Variants in WASF2 observed in about 807,000 individuals in gnomAD.
WASF2 encodes the protein WASP family member 2.
Under a neutral mutation model 45.0 loss-of-function variants are expected in WASF2, and 14 were observed. The observed-to-expected ratio is 0.31, with a 90% CI of 0.21 to 0.49. The LOEUF is 0.49. Ranked by LOEUF, WASF2 falls within the 20% of genes least tolerant of loss-of-function variation. The pLI is 0.99. For synonymous variants in WASF2, 200 were observed against 236.3 expected, an observed-to-expected ratio of 0.85 and a Z score of 1.41; for missense variants, 439 against 636.1, an observed-to-expected ratio of 0.69 and a Z score of 3.33.
chr1:27,443,205 A>G (rs1020081148), intron 1 of WASF2, among the ~76,000 whole-genome samples: 4 of 149,792 alleles, frequency 2.7e-5, no homozygotes, highest in Admixed American at 1.3e-4. Flanking sequence ...GTGTGGTAGC[A>G]TGTACCTGTG....
Position 27,412,576 on chromosome 1 carries a change from A to C in WASF2, c.820T>G (p.Phe274Val), listed in dbSNP as rs1160576600. The change falls in exon 7 of 9, where the codon TTC becomes GTC. Residue 274 changes from phenylalanine to valine, a missense_variant. Physicochemically the swap from Phe to Val is conservative, Grantham distance 50. Transcript: ENST00000618852. Reference sequence around the variant, plus strand: ...GGAGTAGGTACCACCATTTACCTGAATTCTGCTGGTGGAGGAGGCAAGTTG... The same window carrying C: ...GGAGTAGGTACCACCATTTACCTGACTTCTGCTGGTGGAGGAGGCAAGTTG... ...EDNLPPPPAEFSYPVDNQRGS... is the reference protein window; with the variant it reads ...EDNLPPPPAEVSYPVDNQRGS... 6.2e-7 allele frequency: 1 copy of C among 1,614,170 alleles called. No individual in the cohort carries two copies. The highest frequency in any genetic ancestry group is 1.7e-5 in the Admixed American group (1 of 60,012).
chr1:27,429,000 T>TA (rs2017025216), intron 1 of WASF2, 67 bp from the exon 2 acceptor site: 601 of 926,336 alleles, frequency 6.5e-4, no homozygotes, highest in Middle Eastern at 1.5e-3. Flanking sequence ...GCTGTGTGAA[T>TA]CTTTTTTTTT....
At chr1:27,484,409 T>C (rs2017895362) in intron 1 of WASF2, among the ~76,000 whole-genome samples, 1 of 152,192 alleles carries the variant, frequency 6.6e-6, no homozygotes, top group Admixed American at 6.5e-5. Context: ...TAAATGTATT[T>C]TAGTAAACTC....
intron 1 of WASF2, among the ~76,000 whole-genome samples, chr1:27,465,252 A>AAT (rs1304604727): frequency 6.6e-6 from 1 of 152,240 alleles, no homozygotes; most frequent in African/African-American, 2.4e-5. Context: ...CTGCACTCTA[A>AAT]TAAAGACTAA....
chr1:27,412,754 T>C (rs1222280551), intron 6 of WASF2, 27 bp from the exon 7 acceptor site: 4 of 1,613,360 alleles, frequency 2.5e-6, no homozygotes, highest in East Asian at 2.2e-5. Context: ...TGCCAAAAAC[T>C]GTCATTTAAA....
In WASF2 at chr1:27,468,489, A is replaced by G. The variant is rs139435781; in HGVS notation, c.-44+21497T>C. Among the ~76,000 whole-genome samples, 855 of 151,402 alleles carry G rather than the reference A, an allele frequency of 5.6e-3. 15 individuals carry two copies. The highest frequency in any genetic ancestry group is 0.016 in the East Asian group (81 of 5,148). On this transcript the variant is annotated intron_variant, in intron 1 of 8. Transcript: ENST00000618852. Reference sequence around the variant, plus strand: ...AATCCCGTCTCTACTAAAAATACAAAAATTAGCTGGTCGTGGTGGCTAATG... The same window carrying G: ...AATCCCGTCTCTACTAAAAATACAAGAATTAGCTGGTCGTGGTGGCTAATG...
At chr1:27,477,893 C>T (rs1366945219) in intron 1 of WASF2, among the ~76,000 whole-genome samples, 4 of 89,198 alleles carry the variant, frequency 4.5e-5, no homozygotes, top group African/African-American at 1.4e-4. Flanking sequence ...AGCGAGACTC[C>T]GTCTCAAAAA....
intron 1 of WASF2, among the ~76,000 whole-genome samples, chr1:27,475,028 A>C (rs1391361824): frequency 1.3e-5 from 2 of 151,358 alleles, no homozygotes; most frequent in Non-Finnish European, 3.0e-5. Context: ...AAAGCCCACC[A>C]CTTTGGGAGG....
intron 1 of WASF2, among the ~76,000 whole-genome samples, chr1:27,465,352 T>C (rs914299303): frequency 1.3e-5 from 2 of 152,198 alleles, no homozygotes; most frequent in African/African-American, 4.8e-5. Context: ...TTAAAGTTAA[T>C]TTGCACACCA....
intron 2 of WASF2, among the ~76,000 whole-genome samples, chr1:27,425,700 A>G (rs1056179858): frequency 6.6e-6 from 1 of 151,826 alleles, no homozygotes; most frequent in South Asian, 2.1e-4. Flanking sequence ...TTAGCCAGGC[A>G]TGGTGGCGGG....
chr1:27,479,029 G>A (rs1251105402), intron 1 of WASF2, among the ~76,000 whole-genome samples: 1 of 152,070 alleles, frequency 6.6e-6, no homozygotes, highest in African/African-American at 2.4e-5. Flanking sequence ...GCTCACGCCT[G>A]TAATCCCAGA....
chr1:27,471,682 G>A (rs2017691145), intron 1 of WASF2, among the ~76,000 whole-genome samples: 1 of 152,102 alleles, frequency 6.6e-6, no homozygotes, highest in African/African-American at 2.4e-5. Context: ...GCAAAAAAAA[G>A]AGAAGCAAGG....
chr1:27,436,398 G>A (rs761893427), intron 1 of WASF2, among the ~76,000 whole-genome samples: 1 of 152,054 alleles, frequency 6.6e-6, no homozygotes. Context: ...AGAGAGCTAC[G>A]ATCACACCAG....
intron 1 of WASF2, among the ~76,000 whole-genome samples, chr1:27,464,733 T>G (rs1253409128): frequency 6.6e-6 from 1 of 152,218 alleles, no homozygotes; most frequent in Non-Finnish European, 1.5e-5. Context: ...TTTATTTATT[T>G]GTTTATTCAT....
At position 27,418,251 on chromosome 1, in the gene WASF2, G is replaced by C; in HGVS notation, c.419+18C>G. 1.2e-6 allele frequency: 2 copies of C among 1,607,048 alleles called. No homozygotes were observed. Among genetic ancestry groups the C allele is most frequent in the Non-Finnish European group, 1.7e-6 (2 of 1,177,166 alleles). ...TTAAACCATAGGTTGAAAAAGGGAGGAACTAGCCAGCCATTACCTGTAAGG... is the reference window on the plus strand; with the variant it reads ...TTAAACCATAGGTTGAAAAAGGGAGCAACTAGCCAGCCATTACCTGTAAGG... On this transcript the variant is annotated intron_variant, in intron 4 of 8. Coordinates refer to ENST00000618852, the MANE Select transcript of WASF2 (RefSeq NM_006990.5).
chr1:27,473,102 T>A (rs1027321458), intron 1 of WASF2, among the ~76,000 whole-genome samples: 2 of 151,464 alleles, frequency 1.3e-5, no homozygotes, highest in Admixed American at 1.3e-4. Flanking sequence ...ATAACCTGTA[T>A]CCGGAATAAA....
intron 1 of WASF2, among the ~76,000 whole-genome samples, chr1:27,460,003 A>T (rs185087027): frequency 2.6e-5 from 4 of 152,344 alleles, no homozygotes; most frequent in Admixed American, 2.6e-4. Context: ...GATCAATGAG[A>T]TAACACATAT....
intron 4 of WASF2, 141 bp downstream of exon 4, chr1:27,418,128 G>A (rs2016850458): frequency 2.0e-6 from 2 of 988,498 alleles, no homozygotes; most frequent in African/African-American, 1.7e-5. Context: ...AGTTTCTGCT[G>A]CCACAGAAAC....
chr1:27,464,850 TC>T (rs1422709911), intron 1 of WASF2, among the ~76,000 whole-genome samples: 3 of 152,208 alleles, frequency 2.0e-5, no homozygotes, highest in Admixed American at 6.5e-5. Flanking sequence ...TGCCTCAGCT[TC>T]CCAAGTAGCT....
Sources: gnomAD v4.1 joint callset for allele counts (sites outside exome capture counted in the v4.1 genomes callset) on GRCh38, gnomAD v4.1.1 for gene constraint, MANE v1.5 for transcripts, NCBI Gene and HGNC (gene_info 2026-07-23, HGNC 2026-07-21) for gene names.